ATP8A2: variants seen among roughly 807,000 people sequenced by gnomAD.
The protein encoded by ATP8A2 is ATPase phospholipid transporting 8A2.
In ATP8A2, 100 loss-of-function variants were observed where a neutral mutation model predicts 165.6. That is an observed-to-expected ratio of 0.60 (90% CI 0.51 to 0.71). The LOEUF is 0.71. Ranked by LOEUF, ATP8A2 falls within the 30% of genes least tolerant of loss-of-function variation. ATP8A2 has a pLI of 0.00. For synonymous variants in ATP8A2, 543 were observed against 548.8 expected, an observed-to-expected ratio of 0.99 and a Z score of 0.15; for missense variants, 1,227 against 1,479.5, an observed-to-expected ratio of 0.83 and a Z score of 2.80.
At chr13:25,878,009 T>C (rs1952863699) in intron 33 of ATP8A2, among the ~76,000 whole-genome samples, 1 of 152,216 alleles carries the variant, frequency 6.6e-6, no homozygotes, top group South Asian at 2.1e-4. Context: ...GCTAAATGGA[T>C]TGTAAACAAA....
chr13:25,420,227 C>T (rs1430165369), intron 1 of ATP8A2, among the ~76,000 whole-genome samples: 6 of 152,178 alleles, frequency 3.9e-5, no homozygotes, highest in African/African-American at 1.2e-4. Flanking sequence ...ACAAATTCTT[C>T]ATTTGTATTT....
intron 33 of ATP8A2, among the ~76,000 whole-genome samples, chr13:25,908,262 C>T (rs1954004151): frequency 6.6e-6 from 1 of 152,158 alleles, no homozygotes; most frequent in African/African-American, 2.4e-5. Flanking sequence ...AGTCAGCAGT[C>T]ATTGTGTGCA....
At chr13:25,958,126 C>T (rs1194638052) in intron 33 of ATP8A2, among the ~76,000 whole-genome samples, 2 of 151,562 alleles carry the variant, frequency 1.3e-5, no homozygotes, top group Non-Finnish European at 2.9e-5. Flanking sequence ...ACACCAGGAC[C>T]TGTTGTGGGG....
chr13:25,810,385 G>A (rs1950838505), intron 27 of ATP8A2, among the ~76,000 whole-genome samples: 1 of 152,048 alleles, frequency 6.6e-6, no homozygotes, highest in Non-Finnish European at 1.5e-5. Flanking sequence ...CCCTCCTTCA[G>A]GTCCTTGGCA....
At chr13:25,664,756 C>T (rs1025624562) in intron 24 of ATP8A2, among the ~76,000 whole-genome samples, 5 of 152,152 alleles carry the variant, frequency 3.3e-5, no homozygotes, top group Non-Finnish European at 5.9e-5. Context: ...TTTTCCACAT[C>T]CCAATTGCTA....
At chr13:25,541,767 C>A in intron 8 of ATP8A2, 152 bp from the exon 9 acceptor site, 2 of 740,010 alleles carry the variant, frequency 2.7e-6, no homozygotes, top group Non-Finnish European at 4.3e-6. Context: ...GAAAAGTCTG[C>A]CTTGAGGGGC....
intron 33 of ATP8A2, among the ~76,000 whole-genome samples, chr13:25,936,458 A>G (rs551055075): frequency 6.6e-6 from 1 of 152,374 alleles, no homozygotes; most frequent in South Asian, 2.1e-4. Flanking sequence ...GGGCCTGCGT[A>G]TCAGGACGCA....
At chr13:25,920,080 G>A (rs892593624) in intron 33 of ATP8A2, among the ~76,000 whole-genome samples, 3 of 152,130 alleles carry the variant, frequency 2.0e-5, no homozygotes, top group Non-Finnish European at 2.9e-5. Context: ...GAACCACTGC[G>A]ACCAGCGTTG....
chr13:25,386,769 G>A (rs866050509), intron 1 of ATP8A2, among the ~76,000 whole-genome samples: 9 of 152,044 alleles, frequency 5.9e-5, no homozygotes, highest in Non-Finnish European at 1.2e-4. Flanking sequence ...AGGCTGAGGC[G>A]GGCGGATCAC....
At chr13:25,829,127 T>C (rs1951391803) in intron 28 of ATP8A2, among the ~76,000 whole-genome samples, 1 of 152,176 alleles carries the variant, frequency 6.6e-6, no homozygotes, top group African/African-American at 2.4e-5. Flanking sequence ...TGATGTAAAA[T>C]GCTGAATGCA....
At chr13:25,834,787 A>G (rs376032663) in intron 28 of ATP8A2, among the ~76,000 whole-genome samples, 1 of 152,084 alleles carries the variant, frequency 6.6e-6, no homozygotes, top group African/African-American at 2.4e-5. Flanking sequence ...CAGCCCTTTC[A>G]CCTCAGCTTC....
At chr13:25,875,239 T>G (rs1012916632) in intron 33 of ATP8A2, among the ~76,000 whole-genome samples, 2 of 149,398 alleles carry the variant, frequency 1.3e-5, no homozygotes, top group Non-Finnish European at 2.9e-5. Flanking sequence ...TAGTAAATCT[T>G]AAGTTTTTAT....
At chr13:25,768,948 C>A in intron 25 of ATP8A2, 98 bp from the exon 26 acceptor site, 1 of 1,139,104 alleles carries the variant, frequency 8.8e-7, no homozygotes, top group Non-Finnish European at 1.3e-6. Flanking sequence ...ATTTGGAGAT[C>A]GTCCAGTAAC....
intron 10 of ATP8A2, 144 bp from the exon 11 acceptor site, chr13:25,551,194 A>T: frequency 1.4e-6 from 1 of 692,264 alleles, no homozygotes; most frequent in Admixed American, 2.5e-5. Flanking sequence ...AGCATGGTAC[A>T]CTTTTGAATT....
At chr13:25,701,723 A>AACAACACACAC (rs2042954994) in intron 25 of ATP8A2, among the ~76,000 whole-genome samples, 1 of 140,576 alleles carries the variant, frequency 7.1e-6, no homozygotes, top group East Asian at 2.2e-4. Flanking sequence ...TTGATACTAA[A>AACAACACACAC]ACACACACAC....
chr13:25,404,296 G>A (rs2033729680), intron 1 of ATP8A2, among the ~76,000 whole-genome samples: 1 of 152,152 alleles, frequency 6.6e-6, no homozygotes, highest in African/African-American at 2.4e-5. Flanking sequence ...GTGAGAGCTG[G>A]GGAGGAGAGC....
At chr13:25,744,244 A>G (rs922639937) in intron 25 of ATP8A2, among the ~76,000 whole-genome samples, 3 of 152,098 alleles carry the variant, frequency 2.0e-5, no homozygotes, top group Non-Finnish European at 4.4e-5. Context: ...TGTATGCAGC[A>G]TATCTTTTCT....
At chr13:25,921,970 ATT>A (rs1295150958) in intron 33 of ATP8A2, among the ~76,000 whole-genome samples, 2 of 152,184 alleles carry the variant, frequency 1.3e-5, no homozygotes, top group Non-Finnish European at 2.9e-5. Flanking sequence ...TTGTAAAACC[ATT>A]TGTTAGATTT....
At chr13:25,733,443 GCGT>G (rs1176870142) in intron 25 of ATP8A2, among the ~76,000 whole-genome samples, 3 of 152,016 alleles carry the variant, frequency 2.0e-5, no homozygotes, top group Non-Finnish European at 2.9e-5. Context: ...GTGTGTGCAT[GCGT>G]GCTTCATTTT....
Sources: gnomAD v4.1 joint callset for allele counts (sites outside exome capture counted in the v4.1 genomes callset) on GRCh38, gnomAD v4.1.1 for gene constraint, MANE v1.5 for transcripts, NCBI Gene and HGNC (gene_info 2026-07-23, HGNC 2026-07-21) for gene names.